Variants in ARHGEF9 observed in about 807,000 individuals in gnomAD.
ARHGEF9 encodes Cdc42 guanine nucleotide exchange factor 9.
In ARHGEF9, 2 loss-of-function variants were observed where a neutral mutation model predicts 41.3. That is an observed-to-expected ratio of 0.05 (90% CI 0.02 to 0.15). The LOEUF is 0.15. Among genes scored for constraint, ARHGEF9 ranks in the 10% least tolerant of loss-of-function variants. The pLI is 1.00. For synonymous variants in ARHGEF9, 160 were observed against 154.4 expected (o/e 1.04, Z -0.27); for missense variants, 225 against 424.7 (o/e 0.53, Z 4.13).
chrX:63,768,320 T>G (rs2056147131), intron 1 of ARHGEF9, among the ~76,000 whole-genome samples: 1 of 112,190 alleles, frequency 8.9e-6, no homozygotes, highest in Non-Finnish European at 1.9e-5. Context: ...TTAGTCCCTT[T>G]TTATGGCTGA....
intron 2 of ARHGEF9, among the ~76,000 whole-genome samples, chrX:63,720,878 C>T (rs1327179707): frequency 2.7e-5 from 3 of 112,052 alleles, no homozygotes; most frequent in Admixed American, 1.9e-4. Context: ...ATCCAATTCC[C>T]GGCTTTTCTT....
chrX:63,743,036 G>A (rs1239426291), intron 1 of ARHGEF9, among the ~76,000 whole-genome samples: 1 of 111,849 alleles, frequency 8.9e-6, no homozygotes, highest in Non-Finnish European at 1.9e-5. Flanking sequence ...AGGAATTCAA[G>A]ACTAGCCTGG....
chrX:63,741,547 A>G (rs1242602481), intron 1 of ARHGEF9, among the ~76,000 whole-genome samples: 1 of 112,460 alleles, frequency 8.9e-6, no homozygotes, highest in Non-Finnish European at 1.9e-5. Context: ...GGTGTGTTCA[A>G]GTGTGACTCA....
At chrX:63,754,400 T>A in intron 1 of ARHGEF9, 1 of 1,184,990 alleles carries the variant, frequency 8.4e-7, no homozygotes, top group Non-Finnish European at 1.1e-6. Context: ...TCCCTGTCTC[T>A]GTCTGTGATT....
chrX:63,783,566 T>G (rs1361241022), intron 1 of ARHGEF9, among the ~76,000 whole-genome samples: 4 of 111,772 alleles, frequency 3.6e-5, no homozygotes, highest in Non-Finnish European at 5.6e-5. Context: ...TTCAGGTAAA[T>G]TTAATGGCAC....
chrX:63,752,682 G>C (rs2055724558), intron 1 of ARHGEF9, among the ~76,000 whole-genome samples: 1 of 111,579 alleles, frequency 9.0e-6, no homozygotes, highest in African/African-American at 3.3e-5. Context: ...CCCACACCAA[G>C]TCAAGGATAG....
rs368990057 is a variant in ARHGEF9, at chrX:63,656,015, A to G, written c.1078-278T>C. On this transcript the variant is annotated intron_variant, in intron 7 of 9. Transcript: ENST00000671741. ...TGCAAGTCTGCTGATGGGAGGTAGG[A>G]AACAGTAAGCCACATAAACACGGCT... 2.7e-5 allele frequency among the ~76,000 whole-genome samples: 3 copies of G among 112,070 alleles called. No individual in the cohort carries two copies. In the East Asian group the frequency reaches 8.5e-4, roughly 32 times the overall value.
At chrX:63,684,665 G>A (rs1299928334) in intron 4 of ARHGEF9, among the ~76,000 whole-genome samples, 3 of 109,876 alleles carry the variant, frequency 2.7e-5, no homozygotes, top group East Asian at 5.6e-4. Flanking sequence ...AGAAACTGTC[G>A]GGTGTATATG....
At chrX:63,730,347 TA>T (rs1556419419) in intron 1 of ARHGEF9, among the ~76,000 whole-genome samples, 1 of 112,219 alleles carries the variant, frequency 8.9e-6, no homozygotes, top group African/African-American at 3.2e-5. Flanking sequence ...ATAAAACAAG[TA>T]ACCCACAGTT....
At chrX:63,740,164 A>G (rs2147717308) in intron 1 of ARHGEF9, among the ~76,000 whole-genome samples, 1 of 112,057 alleles carries the variant, frequency 8.9e-6, no homozygotes, top group South Asian at 3.8e-4. Flanking sequence ...ATTACCTAGG[A>G]GATTCCTGAG....
intron 9 of ARHGEF9, chrX:63,641,207 T>A (rs1321982515): frequency 9.2e-6 from 1 of 108,419 alleles, no homozygotes; most frequent in Non-Finnish European, 1.9e-5. Flanking sequence ...CAAACATTAG[T>A]CGGGTGTGGT....
At chrX:63,751,053 T>C (rs1214010815) in intron 1 of ARHGEF9, among the ~76,000 whole-genome samples, 1 of 110,773 alleles carries the variant, frequency 9.0e-6, no homozygotes, top group Non-Finnish European at 1.9e-5. Flanking sequence ...GTAGAGGGCA[T>C]TTTCTTTAAT....
chrX:63,695,667 C>A (rs1373825274), intron 4 of ARHGEF9, among the ~76,000 whole-genome samples: 1 of 111,959 alleles, frequency 8.9e-6, no homozygotes, highest in Non-Finnish European at 1.9e-5. Context: ...AAATATTTCC[C>A]CTTGACTGGC....
intron 4 of ARHGEF9, among the ~76,000 whole-genome samples, chrX:63,678,818 G>T (rs1481205828): frequency 9.0e-6 from 1 of 111,436 alleles, no homozygotes; most frequent in Non-Finnish European, 1.9e-5. Flanking sequence ...TTCTGTAAAA[G>T]AAGGGTAATA....
intron 6 of ARHGEF9, among the ~76,000 whole-genome samples, chrX:63,672,227 G>T (rs1191783047): frequency 9.0e-6 from 1 of 110,822 alleles, no homozygotes; most frequent in Non-Finnish European, 1.9e-5. Flanking sequence ...GAATCTACTG[G>T]TTCCTTGATC....
rs1329262856 is a variant in ARHGEF9, at chrX:63,635,294, AAG to A, written c.*2732_*2733del. On this transcript the variant is annotated 3_prime_UTR_variant, in exon 10 of 10. Coordinates refer to ENST00000671741, the MANE Select transcript of ARHGEF9 (RefSeq NM_001353921.2). ...ATATACACATAGAGAGGGGGGGAAA[AAG>A]AGAGAATAATTAGATGTCTGTCTTA... is the stretch of plus-strand genomic sequence containing the variant. 1.2e-5 allele frequency: 6 copies of A among 518,492 alleles called. No homozygotes were observed. The highest frequency in any genetic ancestry group is 2.1e-5 in the Non-Finnish European group (6 of 284,522). 42.7% of individuals were successfully genotyped at this position (518,492 alleles called of 1,213,427 possible). A position where few individuals can be genotyped will look rare whatever the true frequency, so the allele number is the denominator to read the frequency against.
At position 63,717,749 on chromosome X, in the gene ARHGEF9, A is replaced by T. The variant is rs2053400574; in HGVS notation, c.210+6783T>A. Among the ~76,000 whole-genome samples the T allele has an allele frequency of 1.8e-5, 2 of 112,164 alleles. 1 individual carries two copies. Among genetic ancestry groups the T allele is most frequent in the South Asian group, 7.5e-4 (2 of 2,658 alleles). On this transcript the variant is annotated intron_variant, in intron 2 of 9. Transcript: ENST00000671741. ...TTCCTATGTGTCAGATCCCATTGTC[A>T]GTGCTCTTCCTGTATTTTGTTTAGT...
At chrX:63,671,095 T>A (rs1479090117) in intron 6 of ARHGEF9, among the ~76,000 whole-genome samples, 29 of 112,502 alleles carry the variant, frequency 2.6e-4, no homozygotes, top group African/African-American at 9.4e-4. Context: ...GAAGCTGAAA[T>A]TATCATGCAG....
intron 1 of ARHGEF9, 142 bp downstream of exon 1, chrX:63,784,974 T>C (rs2056438489): frequency 1.4e-6 from 1 of 723,310 alleles, no homozygotes; most frequent in Non-Finnish European, 2.0e-6. Context: ...CACAGCAAGC[T>C]CACTGGTGTC....
Sources: allele counts gnomAD v4.1 joint callset (sites outside exome capture counted in the v4.1 genomes callset), GRCh38; gene constraint gnomAD v4.1.1; transcripts MANE v1.5; gene names NCBI Gene and HGNC (gene_info 2026-07-23, HGNC 2026-07-21).